The following RADIL variants were observed in gnomAD, a reference collection of about 807,000 sequenced individuals.
The protein encoded by RADIL is ras-associating and dilute domain-containing protein.
In RADIL, 99 loss-of-function variants were observed where a neutral mutation model predicts 97.6. The ratio of observed to expected loss-of-function variants is 1.01; its 90% confidence interval spans 0.86 to 1.20. The LOEUF is 1.20. Ranked by LOEUF, RADIL falls within the 50% of genes most tolerant of loss-of-function variation. The pLI is 0.00. For missense variants in RADIL, 1,765 were observed against 1,498.9 expected (o/e 1.18, Z -2.93); for synonymous variants, 803 against 691.8 (o/e 1.16, Z -2.52).
At chr7:4,882,964 C>T (rs1784515449) in intron 1 of RADIL, among the ~76,000 whole-genome samples, 1 of 152,198 alleles carries the variant, frequency 6.6e-6, no homozygotes, top group African/African-American at 2.4e-5. Flanking sequence ...CACCAACAGG[C>T]TCCTCCTGCG....
At chr7:4,810,731 G>C (rs192121810) in intron 9 of RADIL, among the ~76,000 whole-genome samples, 1 of 152,182 alleles carries the variant, frequency 6.6e-6, no homozygotes, top group Admixed American at 6.5e-5. Context: ...CCAAAGTGGC[G>C]AGCCTCATTT....
chr7:4,809,477 A>T, intron 9 of RADIL: 1 of 985,358 alleles, frequency 1.0e-6, no homozygotes, highest in Non-Finnish European at 1.2e-6. Flanking sequence ...CCCCCGAGGA[A>T]CACGCTTGTG....
chr7:4,838,722 C>G (rs1260239625), intron 2 of RADIL, among the ~76,000 whole-genome samples: 1 of 152,226 alleles, frequency 6.6e-6, no homozygotes, highest in Non-Finnish European at 1.5e-5. Context: ...GGAGGTGAGG[C>G]CTCTCCTCTG....
At position 4,836,256 on chromosome 7, in the gene RADIL, G is replaced by A. The variant is rs533586152; in HGVS notation, c.783+102C>T. ...CAGAGGGGCTGCAGCCACAGAGCTCGCGGCCGACTGGGCTAAAGGCAGGCG... is the reference window on the plus strand; with the variant it reads ...CAGAGGGGCTGCAGCCACAGAGCTCACGGCCGACTGGGCTAAAGGCAGGCG... On this transcript the variant is annotated intron_variant, in intron 3 of 14. Coordinates refer to ENST00000399583, the MANE Select transcript of RADIL (RefSeq NM_018059.5). 55 of 1,502,632 alleles carry A rather than the reference G, an allele frequency of 3.7e-5. No homozygotes were observed. The South Asian group carries it at 4.5e-4, about 12-fold the overall frequency. 93.1% of individuals were successfully genotyped at this position (1,502,632 alleles called of 1,614,324 possible).
intron 2 of RADIL, 79 bp from the exon 3 acceptor site, chr7:4,836,684 T>C: frequency 6.4e-7 from 1 of 1,567,970 alleles, no homozygotes; most frequent in East Asian, 2.3e-5. Flanking sequence ...ACCCCTGTAA[T>C]CCCAGCACTT....
chr7:4,844,575 CTA>C (rs1783524855), intron 2 of RADIL, among the ~76,000 whole-genome samples: 1 of 152,184 alleles, frequency 6.6e-6, no homozygotes, highest in Non-Finnish European at 1.5e-5. Flanking sequence ...AGCAAGGTGA[CTA>C]GACATGGTGA....
At chr7:4,827,659 G>A (rs147491032) in intron 5 of RADIL, among the ~76,000 whole-genome samples, 146 of 152,118 alleles carry the variant, frequency 9.6e-4, no homozygotes, top group African/African-American at 3.2e-3. Context: ...AGTCTCCATC[G>A]CAAAAACGAA....
intron 2 of RADIL, among the ~76,000 whole-genome samples, chr7:4,866,663 C>T (rs1221511333): frequency 6.6e-6 from 1 of 152,140 alleles, no homozygotes; most frequent in African/African-American, 2.4e-5. Flanking sequence ...ACTGCAATGC[C>T]TTTTGATTTG....
chr7:4,846,036 C>T (rs1783560339), intron 2 of RADIL, among the ~76,000 whole-genome samples: 1 of 152,218 alleles, frequency 6.6e-6, no homozygotes, highest in Non-Finnish European at 1.5e-5. Flanking sequence ...CTGGGCACGC[C>T]ACCAACAGCG....
intron 2 of RADIL, chr7:4,858,639 T>C (rs777578761): frequency 2.6e-5 from 4 of 152,630 alleles, no homozygotes; most frequent in Non-Finnish European, 5.9e-5. Context: ...TATAAGGAGG[T>C]ATTCTGTGGA....
chr7:4,842,515 G>A lies in RADIL; in HGVS notation c.536-5910C>T, dbSNP rs553248387. On this transcript the variant is annotated intron_variant, in intron 2 of 14. Coordinates refer to ENST00000399583, the MANE Select transcript of RADIL (RefSeq NM_018059.5). This position sits in a 1 kb window ranked among gnomAD's most constrained non-coding sequence, Gnocchi z 4.5. ...GCTGGCAGAGAGGGCAGGGCTCTGCGTGCCGGGGGTGCACAGGGAAACTGG... is the reference window on the plus strand; with the variant it reads ...GCTGGCAGAGAGGGCAGGGCTCTGCATGCCGGGGGTGCACAGGGAAACTGG... Among the ~76,000 whole-genome samples, 5 of 152,278 alleles carry A rather than the reference G, an allele frequency of 3.3e-5. No homozygotes were observed. The highest frequency in any genetic ancestry group is 1.2e-4 in the African/African-American group (5 of 41,580).
At chr7:4,875,140 C>T (rs1424828253) in intron 2 of RADIL, among the ~76,000 whole-genome samples, 2 of 139,368 alleles carry the variant, frequency 1.4e-5, no homozygotes, top group East Asian at 2.0e-4. Context: ...TGCAGTGAGC[C>T]GAGATTGTGC....
chr7:4,809,590 G>A (rs1782478212), intron 9 of RADIL: 1 of 985,342 alleles, frequency 1.0e-6, no homozygotes, highest in Non-Finnish European at 1.2e-6. Flanking sequence ...TTCCAGCCCT[G>A]CAGACACGCT....
At chr7:4,870,779 A>T (rs1309401291) in intron 2 of RADIL, among the ~76,000 whole-genome samples, 1 of 152,164 alleles carries the variant, frequency 6.6e-6, no homozygotes, top group Non-Finnish European at 1.5e-5. Flanking sequence ...ACCAGTGACA[A>T]CATCCCTCTG....
chr7:4,807,788 C>CCT, intron 9 of RADIL, among the ~76,000 whole-genome samples: 4 of 77,220 alleles, frequency 5.2e-5, no homozygotes, highest in Admixed American at 1.3e-4. Flanking sequence ...CTTCCTCCTC[C>CCT]GTCTCCTCTC....
At position 4,883,196 on chromosome 7, in the gene RADIL, C is replaced by A. The variant is rs1404591680; in HGVS notation, c.-65+400G>T. On this transcript the variant is annotated intron_variant, in intron 1 of 14. Coordinates refer to ENST00000399583, the MANE Select transcript of RADIL (RefSeq NM_018059.5). The surrounding 1 kb of genome is among the most constrained non-coding windows in gnomAD (Gnocchi z 7.1). ...GCTCCCCCGCTGCGCCCCGCTCCCCCGCTGCGCGCCCCGGACGAAGCTCCC... is the reference window on the plus strand; with the variant it reads ...GCTCCCCCGCTGCGCCCCGCTCCCCAGCTGCGCGCCCCGGACGAAGCTCCC... 6.6e-6 allele frequency among the ~76,000 whole-genome samples: 1 copy of A among 152,104 alleles called. No individual in the cohort carries two copies. Among genetic ancestry groups the A allele is most frequent in the East Asian group, 1.9e-4 (1 of 5,170 alleles).
chr7:4,874,360 A>T (rs1382941818), intron 2 of RADIL, among the ~76,000 whole-genome samples: 1 of 152,256 alleles, frequency 6.6e-6, no homozygotes, highest in African/African-American at 2.4e-5. Context: ...AGCCTGGCTT[A>T]TCCACGTGGG....
chr7:4,849,366 G>A lies in RADIL; in HGVS notation c.536-12761C>T, dbSNP rs1329057039. ...GTACATAGTTTTCATTCTACTGCAAGAATGAATTAATGAATGAATGAACGT... is the reference window on the plus strand; with the variant it reads ...GTACATAGTTTTCATTCTACTGCAAAAATGAATTAATGAATGAATGAACGT... On this transcript the variant is annotated intron_variant, in intron 2 of 14. Transcript: ENST00000399583. The surrounding 1 kb of genome is among the most constrained non-coding windows in gnomAD (Gnocchi z 5.4). 6.6e-6 allele frequency among the ~76,000 whole-genome samples: 1 copy of A among 152,140 alleles called. No individual in the cohort carries two copies. The highest frequency in any genetic ancestry group is 6.5e-5 in the Admixed American group (1 of 15,276).
chr7:4,838,325 C>T lies in RADIL; in HGVS notation c.536-1720G>A, dbSNP rs115793304. Reference sequence around the variant, plus strand: ...ACAAAAACAGCTCCAAATGATGCTCCGGCCCTCAACTTTCTCCCAAATCCA... The same window carrying T: ...ACAAAAACAGCTCCAAATGATGCTCTGGCCCTCAACTTTCTCCCAAATCCA... On this transcript the variant is annotated intron_variant, in intron 2 of 14. Transcript: ENST00000399583. Among the ~76,000 whole-genome samples, 271 of 152,338 alleles carry T rather than the reference C, an allele frequency of 1.8e-3. 2 individuals are homozygous for T. Among genetic ancestry groups the T allele is most frequent in the African/African-American group, 6.2e-3 (259 of 41,582 alleles).
Sources: allele counts gnomAD v4.1 joint callset (sites outside exome capture counted in the v4.1 genomes callset), GRCh38; gene constraint gnomAD v4.1.1; non-coding constraint Gnocchi (gnomAD v3.1); transcripts MANE v1.5; gene names NCBI Gene and HGNC (gene_info 2026-07-23, HGNC 2026-07-21).